Variants in PANK3 observed in about 807,000 individuals in gnomAD.
PANK3 encodes hPanK3.
PANK3 carries 20 observed loss-of-function variants against 39.4 expected under a neutral mutation model. That is an observed-to-expected ratio of 0.51 (90% CI 0.36 to 0.74). The LOEUF (loss-of-function observed/expected upper bound fraction) is 0.74. Among genes scored for constraint, PANK3 ranks in the 30% least tolerant of loss-of-function variants. The pLI, the probability that PANK3 is intolerant of heterozygous loss-of-function variation, is 0.00. For synonymous variants in PANK3, 140 were observed against 157.3 expected, an observed-to-expected ratio of 0.89 and a Z score of 0.82; for missense variants, 265 against 437.0, an observed-to-expected ratio of 0.61 and a Z score of 3.51.
chr5:168,579,130 G>A lies in PANK3; in HGVS notation c.28+126C>T, dbSNP rs1759786675. 11 of 791,300 alleles carry A rather than the reference G, an allele frequency of 1.4e-5. No individual in the cohort carries two copies. The East Asian group carries it at 3.0e-4, about 22-fold the overall frequency. 49.0% of individuals were successfully genotyped at this position (791,300 alleles called of 1,614,324 possible). A position where few individuals can be genotyped will look rare whatever the true frequency, so the allele number is the denominator to read the frequency against. On this transcript the variant is annotated intron_variant, in intron 1 of 6. Coordinates refer to ENST00000239231, the MANE Select transcript of PANK3 (RefSeq NM_024594.4). ...AACTCGTGGCTCAAATGGTCCCTCC[G>A]CCCCCATACCGGACGAAGCGCCGGC...
intron 2 of PANK3, among the ~76,000 whole-genome samples, chr5:168,567,952 A>C (rs1421957534): frequency 6.6e-6 from 1 of 152,226 alleles, no homozygotes; most frequent in Admixed American, 6.5e-5. Context: ...AAGAAAAACA[A>C]ATTTCAGTGG....
rs2113097295 is a variant in PANK3, at chr5:168,553,070, C to T, written c.*4501G>A. 3 of 409,766 alleles carry T rather than the reference C, an allele frequency of 7.3e-6. No individual in the cohort carries two copies. The highest frequency in any genetic ancestry group is 7.7e-4 in the Middle Eastern group (2 of 2,602). 25.4% of individuals were successfully genotyped at this position (409,766 alleles called of 1,614,324 possible). A position where few individuals can be genotyped will look rare whatever the true frequency, so the allele number is the denominator to read the frequency against. ...GCTGAAGGATCTCATTAGTACTCTT[C>T]CTTTCTGTTAATGAGCAAAAACTTA... is the stretch of plus-strand genomic sequence containing the variant. On this transcript the variant is annotated 3_prime_UTR_variant, in exon 7 of 7. Coordinates refer to ENST00000239231, the MANE Select transcript of PANK3 (RefSeq NM_024594.4).
At position 168,569,429 on chromosome 5, in the gene PANK3, T is replaced by C. The variant is rs181539043; in HGVS notation, c.29-431A>G. Among the ~76,000 whole-genome samples the C allele has an allele frequency of 3.2e-4, 49 of 151,868 alleles. No individual in the cohort carries two copies. The East Asian group carries it at 8.6e-3, about 27-fold the overall frequency. On this transcript the variant is annotated intron_variant, in intron 1 of 6. Transcript: ENST00000239231. Reference sequence around the variant, plus strand: ...GGATGGTCTCGATCTCCTGACCTTGTGATCCGCCTGCCTCTGCCTCCCAAA... The same window carrying C: ...GGATGGTCTCGATCTCCTGACCTTGCGATCCGCCTGCCTCTGCCTCCCAAA...
intron 5 of PANK3, among the ~76,000 whole-genome samples, chr5:168,560,650 AAATG>A (rs1232418792): frequency 6.6e-6 from 1 of 152,202 alleles, no homozygotes; most frequent in Non-Finnish European, 1.5e-5. Context: ...CTCAATGAAT[AAATG>A]AATGAATGAA....
chr5:168,553,692 AT>A lies in PANK3; in HGVS notation c.*3878del, dbSNP rs3832362. ...CCTGGGTCCCCATGGCCCTTATCTA[AT>A]TCTTTTCAAATATTCAAGAAGAGCT... On this transcript the variant is annotated 3_prime_UTR_variant, in exon 7 of 7. Transcript: ENST00000239231. 0.17 allele frequency: 26,300 copies of A among 158,054 alleles called. 2,628 individuals are homozygous for A. The highest frequency in any genetic ancestry group is 0.45 in the East Asian group (2,388 of 5,292). The allele number at this position is 158,054 out of a possible 1,614,324, so 9.8% of individuals were successfully genotyped here. A position where few individuals can be genotyped will look rare whatever the true frequency, so the allele number is the denominator to read the frequency against.
intron 4 of PANK3, among the ~76,000 whole-genome samples, chr5:168,563,562 G>C (rs1430786817): frequency 6.6e-6 from 1 of 150,798 alleles, no homozygotes; most frequent in African/African-American, 2.5e-5. Context: ...ATTTCTATAT[G>C]GATACTTTAG....
chr5:168,559,252 C>CA (rs1455197320), intron 5 of PANK3, 95 bp from the exon 6 acceptor site: 6 of 826,998 alleles, frequency 7.3e-6, no homozygotes, highest in East Asian at 2.9e-5. Context: ...TTTTAAAATG[C>CA]AAAAAAACAC....
chr5:168,577,265 C>T (rs1481054196), intron 1 of PANK3, among the ~76,000 whole-genome samples: 1 of 152,116 alleles, frequency 6.6e-6, no homozygotes, highest in African/African-American at 2.4e-5. Flanking sequence ...TTACTACAAA[C>T]AACAGACAGT....
chr5:168,558,321 C>T (rs1258254832), intron 6 of PANK3, among the ~76,000 whole-genome samples: 3 of 152,108 alleles, frequency 2.0e-5, no homozygotes, highest in East Asian at 1.9e-4. Context: ...CCACCTCGCC[C>T]GGCTAATTTT....
intron 1 of PANK3, among the ~76,000 whole-genome samples, chr5:168,578,251 T>C (rs532967517): frequency 6.6e-6 from 1 of 152,370 alleles, no homozygotes; most frequent in East Asian, 1.9e-4. Context: ...TATAGGAATT[T>C]GTAGTTTTCA....
chr5:168,563,515 C>T (rs2113114337), intron 4 of PANK3, among the ~76,000 whole-genome samples: 1 of 152,044 alleles, frequency 6.6e-6, no homozygotes, highest in East Asian at 1.9e-4. Context: ...GGAATTTATC[C>T]TACACCTGTA....
intron 1 of PANK3, among the ~76,000 whole-genome samples, chr5:168,572,455 GT>G (rs1484510994): frequency 1.3e-5 from 2 of 152,042 alleles, no homozygotes; most frequent in Admixed American, 6.5e-5. Flanking sequence ...GTTCTTATAG[GT>G]TTTGGGATAG....
At chr5:168,567,283 A>C (rs1759551539) in intron 2 of PANK3, among the ~76,000 whole-genome samples, 1 of 152,202 alleles carries the variant, frequency 6.6e-6, no homozygotes, top group Non-Finnish European at 1.5e-5. Flanking sequence ...CAAGCATATA[A>C]CTACTTCATG....
intron 1 of PANK3, among the ~76,000 whole-genome samples, chr5:168,573,037 C>T (rs1759668442): frequency 1.3e-5 from 2 of 152,012 alleles, no homozygotes; most frequent in African/African-American, 4.8e-5. Context: ...AAACAGAAGG[C>T]ACAAGGTCCA....
In PANK3 at chr5:168,551,025, A is replaced by G. The variant is rs1332414936; in HGVS notation, c.*6546T>C. 1 of 152,188 alleles carries G rather than the reference A, an allele frequency of 6.6e-6. No individual in the cohort carries two copies. Among genetic ancestry groups the G allele is most frequent in the Non-Finnish European group, 1.5e-5 (1 of 68,012 alleles). 9.4% of individuals were successfully genotyped at this position (152,188 alleles called of 1,614,324 possible). A position where few individuals can be genotyped will look rare whatever the true frequency, so the allele number is the denominator to read the frequency against. On this transcript the variant is annotated 3_prime_UTR_variant, in exon 7 of 7. Transcript: ENST00000239231. ...TATTCAAAATTTAGATATGTCAGAAAAGCTGGGATGATTGATTTTCACACC... is the reference window on the plus strand; with the variant it reads ...TATTCAAAATTTAGATATGTCAGAAGAGCTGGGATGATTGATTTTCACACC...
intron 1 of PANK3, among the ~76,000 whole-genome samples, chr5:168,573,042 G>A (rs1759668539): frequency 6.6e-6 from 1 of 152,064 alleles, no homozygotes; most frequent in East Asian, 1.9e-4. Context: ...GAAGGCACAA[G>A]GTCCAAATCT....
chr5:168,558,301 C>G (rs1042743929), intron 6 of PANK3, among the ~76,000 whole-genome samples: 33 of 152,040 alleles, frequency 2.2e-4, no homozygotes, highest in African/African-American at 7.7e-4. Context: ...GCTGGGATTA[C>G]AGGCGCCCGC....
chr5:168,561,596 G>T, intron 4 of PANK3, 80 bp from the exon 5 acceptor site: 1 of 1,191,762 alleles, frequency 8.4e-7, no homozygotes, highest in South Asian at 2.4e-5. Flanking sequence ...TCTACAACCT[G>T]GATATTTTTA....
chr5:168,561,425 C>A lies in PANK3; in HGVS notation c.904G>T (p.Gly302Cys). ...ATLVTITNNI[G>C]SVARMCAVNE... ...ACAGCACACATTCGTGCCACAGAAC[C>A]AATGTTATTGGTGATAGTAACTAAA... Residue 302 changes from glycine to cysteine, a missense_variant, in exon 5 of 7, where the codon GGT (glycine) becomes TGT (cysteine). Transcript: ENST00000239231. 1 of 1,595,414 alleles carries A rather than the reference C, an allele frequency of 6.3e-7. No individual in the cohort carries two copies. The highest frequency in any genetic ancestry group is 8.5e-7 in the Non-Finnish European group (1 of 1,172,074).
Sources: gnomAD v4.1 joint callset for allele counts (sites outside exome capture counted in the v4.1 genomes callset) on GRCh38, gnomAD v4.1.1 for gene constraint, MANE v1.5 for transcripts, NCBI Gene and HGNC (gene_info 2026-07-23, HGNC 2026-07-21) for gene names.